Variants in QSOX2 observed in about 807,000 individuals in gnomAD.
The protein encoded by QSOX2 is quiescin sulfhydryl oxidase 2.
Under a neutral mutation model 61.7 loss-of-function variants are expected in QSOX2, and 46 were observed. The ratio of observed to expected loss-of-function variants is 0.75; its 90% CI spans 0.59 to 0.95. QSOX2 has a LOEUF of 0.95. QSOX2 is among the 40% of genes least tolerant of loss of function. The pLI, the probability that QSOX2 is intolerant of heterozygous loss-of-function variation, is 0.00. For missense variants in QSOX2, 879 were observed against 918.9 expected, an observed-to-expected ratio of 0.96 and a Z score of 0.56; for synonymous variants, 383 against 388.4, an observed-to-expected ratio of 0.99 and a Z score of 0.16.
intron 1 of QSOX2, among the ~76,000 whole-genome samples, chr9:136,234,416 T>G (rs1321109801): frequency 1.3e-5 from 2 of 151,780 alleles, no homozygotes; most frequent in Admixed American, 6.6e-5. Context: ...GTAACGGGAG[T>G]GCTGCCCTTC....
At chr9:136,234,861 C>T (rs926630077) in intron 1 of QSOX2, among the ~76,000 whole-genome samples, 11 of 152,154 alleles carry the variant, frequency 7.2e-5, no homozygotes, top group Non-Finnish European at 1.3e-4. Context: ...GCCCCAGCCT[C>T]ATCGCGCCAC....
rs1036948983 is a variant in QSOX2, at chr9:136,206,691, G to C, written c.*2037C>G. ...CCACCGACGCTCTGCTGAAAATCCTGCCCCTCAGCAGGACGCAAGCTTGTT... is the reference window on the plus strand; with the variant it reads ...CCACCGACGCTCTGCTGAAAATCCTCCCCCTCAGCAGGACGCAAGCTTGTT... On this transcript the variant is annotated 3_prime_UTR_variant, in exon 12 of 12. Coordinates refer to ENST00000358701, the MANE Select transcript of QSOX2 (RefSeq NM_181701.4). The C allele has an allele frequency of 6.6e-6, 1 of 152,290 alleles. No individual in the cohort carries two copies. The highest frequency in any genetic ancestry group is 2.4e-5 in the African/African-American group (1 of 41,422). 9.4% of individuals were successfully genotyped at this position (152,290 alleles called of 1,614,324 possible).
chr9:136,223,911 A>G lies in QSOX2; in HGVS notation c.585-58T>C. 6.4e-7 allele frequency: 1 copy of G among 1,563,496 alleles called. No individual in the cohort carries two copies. Among genetic ancestry groups the G allele is most frequent in the South Asian group, 1.1e-5 (1 of 89,986 alleles). ...CGTCAACAGCAGCGAGTTGGCCACC[A>G]CATCCCAGTGGCCACATCACTTAAT... On this transcript the variant is annotated intron_variant, in intron 4 of 11. Coordinates refer to ENST00000358701, the MANE Select transcript of QSOX2 (RefSeq NM_181701.4). The surrounding 1 kb of genome is among the most constrained non-coding windows in gnomAD (Gnocchi z 4.4).
In QSOX2 at chr9:136,218,692, G is replaced by A. The variant is rs1477508196; in HGVS notation, c.1073C>T (p.Thr358Ile). The change falls in exon 8 of 12, where the codon ACT (threonine) becomes ATT (isoleucine). Residue 358 changes from threonine (T) to isoleucine (I), a missense_variant. By Grantham distance (89) the Thr-to-Ile change is moderately conservative. Transcript: ENST00000358701. The stretch of plus-strand genomic sequence containing the variant: ...ACCGTCCCAAACCTTGGCCAAGACA[G>A]TCACAAAGTCCTTGAGCGTCTTCAG... ...AELKTLKDFVTVLAKLFPGRP... is the reference protein window; with the variant it reads ...AELKTLKDFVIVLAKLFPGRP... 6.8e-6 allele frequency: 11 copies of A among 1,613,602 alleles called. No individual in the cohort carries two copies. Among genetic ancestry groups the A allele is most frequent in the Non-Finnish European group, 8.5e-6 (10 of 1,179,922 alleles).
intron 1 of QSOX2, among the ~76,000 whole-genome samples, chr9:136,227,272 G>A (rs756854019): frequency 6.6e-6 from 1 of 152,202 alleles, no homozygotes; most frequent in Non-Finnish European, 1.5e-5. Flanking sequence ...GGTCCAGGCT[G>A]TTTGGCAAAA....
At chr9:136,213,501 A>C (rs1467409651) in intron 10 of QSOX2, among the ~76,000 whole-genome samples, 1 of 151,984 alleles carries the variant, frequency 6.6e-6, no homozygotes, top group Admixed American at 6.6e-5. Flanking sequence ...GTTTCTCCCC[A>C]AAAACATACT....
At chr9:136,226,543 C>T (rs199617390) in intron 2 of QSOX2, among the ~76,000 whole-genome samples, 38 of 152,020 alleles carry the variant, frequency 2.5e-4, no homozygotes, top group East Asian at 2.1e-3. Context: ...TCTGTGTGAG[C>T]GTGGACAGTC....
chr9:136,227,249 A>T (rs1392685462), intron 1 of QSOX2, among the ~76,000 whole-genome samples: 4 of 152,208 alleles, frequency 2.6e-5, no homozygotes, highest in African/African-American at 7.2e-5. Context: ...GTACGTGCAG[A>T]TTAATCAGAT....
rs915938154 is a variant in QSOX2 at position 136,208,963 on chromosome 9, A to G, written c.1862T>C (p.Leu621Pro). 2.5e-6 allele frequency: 4 copies of G among 1,613,508 alleles called. No individual in the cohort carries two copies. The Admixed American group carries it at 6.7e-5, about 27-fold the overall frequency. ...PPGALGPRPA[L>P]PESLHHSLDG... The stretch of plus-strand genomic sequence containing the variant: ...CAAGCTGTGATGCAAGCTCTCTGGA[A>G]GGGCAGGCCTGGGGCCCAGTGCACC... The change falls in exon 12 of 12, where the codon CTT (leucine) becomes CCT (proline). Residue 621 changes from leucine (L) to proline (P), a missense_variant. By Grantham distance (98) the Leu-to-Pro change is moderately conservative. Coordinates refer to ENST00000358701, the MANE Select transcript of QSOX2 (RefSeq NM_181701.4).
intron 11 of QSOX2, chr9:136,210,389 G>A (rs1358419485): frequency 5.1e-6 from 5 of 985,346 alleles, no homozygotes; most frequent in East Asian, 1.1e-4. Flanking sequence ...CATGCGGGCT[G>A]GGGCCACAGG....
rs911718380 is a variant in QSOX2 at position 136,211,193 on chromosome 9, C to T, written c.1549+71G>A. On this transcript the variant is annotated intron_variant, in intron 11 of 11. Transcript: ENST00000358701. ...GGGACAAGCCCCACGGCAGCCGTGC[C>T]GTCCTTGCTGTCCCAGGACCAGGGC... The T allele has an allele frequency of 1.7e-5, 26 of 1,506,254 alleles. No individual in the cohort carries two copies. In the East Asian group the frequency reaches 2.3e-4, roughly 13 times the overall value. 93.3% of individuals were successfully genotyped at this position (1,506,254 alleles called of 1,614,324 possible).
chr9:136,220,170 CACAG>C (rs1233220635), intron 6 of QSOX2, among the ~76,000 whole-genome samples: 1 of 151,966 alleles, frequency 6.6e-6, no homozygotes, highest in Non-Finnish European at 1.5e-5. Context: ...TAGATGTAGC[CACAG>C]ACATACTCCA....
chr9:136,218,843 A>T lies in QSOX2; in HGVS notation c.957-35T>A, dbSNP rs778128288. Reference sequence around the variant, plus strand: ...GATATGGCAGCGTCAGGGAATGCCCAACCTTTCCCTCCACAGCAAGTCTCC... The same window carrying T: ...GATATGGCAGCGTCAGGGAATGCCCTACCTTTCCCTCCACAGCAAGTCTCC... On this transcript the variant is annotated intron_variant, in intron 7 of 11. Coordinates refer to ENST00000358701, the MANE Select transcript of QSOX2 (RefSeq NM_181701.4). The T allele has an allele frequency of 3.1e-6, 5 of 1,604,452 alleles. No homozygotes were observed. In the African/African-American group the frequency reaches 5.4e-5, roughly 17 times the overall value.
intron 1 of QSOX2, among the ~76,000 whole-genome samples, chr9:136,235,221 T>A (rs911891410): frequency 6.6e-6 from 1 of 151,722 alleles, no homozygotes; most frequent in Non-Finnish European, 1.5e-5. Context: ...ATCGGCGGGG[T>A]CAAAGGCACG....
At chr9:136,236,584 A>G (rs531518416) in intron 1 of QSOX2, among the ~76,000 whole-genome samples, 2 of 152,328 alleles carry the variant, frequency 1.3e-5, no homozygotes, top group African/African-American at 4.8e-5. Context: ...GCGCCCCGAG[A>G]CTTACACGGG....
intron 1 of QSOX2, among the ~76,000 whole-genome samples, chr9:136,244,583 C>T (rs531922399): frequency 2.0e-5 from 3 of 152,304 alleles, no homozygotes; most frequent in East Asian, 3.9e-4. Context: ...GGAAGTCCTG[C>T]CAAACCTCAC....
chr9:136,225,488 C>T (rs190956418), intron 2 of QSOX2, among the ~76,000 whole-genome samples: 4 of 152,372 alleles, frequency 2.6e-5, no homozygotes, highest in African/African-American at 7.2e-5. Context: ...ATGACACCCA[C>T]GGCCCACAAA....
intron 10 of QSOX2, among the ~76,000 whole-genome samples, chr9:136,214,593 T>A (rs1050791337): frequency 1.3e-5 from 2 of 152,160 alleles, no homozygotes; most frequent in Non-Finnish European, 1.5e-5. Flanking sequence ...CTCTGCCCCA[T>A]GAGGGTGCTG....
At chr9:136,236,792 G>A (rs541822667) in intron 1 of QSOX2, among the ~76,000 whole-genome samples, 40 of 140,458 alleles carry the variant, frequency 2.8e-4, no homozygotes, top group African/African-American at 9.9e-4. Context: ...CTGGGCCGGC[G>A]ACACCTGGAG....
Sources: allele counts gnomAD v4.1 joint callset (sites outside exome capture counted in the v4.1 genomes callset), GRCh38; gene constraint gnomAD v4.1.1; non-coding constraint Gnocchi (gnomAD v3.1); transcripts MANE v1.5; gene names NCBI Gene and HGNC (gene_info 2026-07-23, HGNC 2026-07-21).